PPP1R9A: variants seen among roughly 807,000 people sequenced by gnomAD.
The protein encoded by PPP1R9A is neurabin-1.
PPP1R9A carries 59 observed loss-of-function variants against 141.9 expected under a neutral mutation model. That is an observed-to-expected ratio of 0.42 (90% CI 0.34 to 0.52). The LOEUF is 0.52. Among genes scored for constraint, PPP1R9A ranks in the 20% least tolerant of loss-of-function variants. The probability of loss-of-function intolerance (pLI) is 0.10; values close to 1 mark genes in which losing one functional copy is unlikely to be tolerated. For synonymous variants in PPP1R9A, 500 were observed against 569.7 expected (o/e 0.88, Z 1.74); for missense variants, 1,444 against 1,611.9 (o/e 0.90, Z 1.78).
intron 4 of PPP1R9A, among the ~76,000 whole-genome samples, chr7:95,127,136 CCT>C (rs1563276143): frequency 2.0e-5 from 3 of 152,228 alleles, no homozygotes; most frequent in South Asian, 4.2e-4. Context: ...TTCCTCCCTC[CCT>C]CTCTCACTCT....
At chr7:94,917,954 G>T (rs1247939384) in intron 2 of PPP1R9A, among the ~76,000 whole-genome samples, 1 of 152,132 alleles carries the variant, frequency 6.6e-6, no homozygotes, top group African/African-American at 2.4e-5. Flanking sequence ...TTGAAAACAA[G>T]TTTAGGAATT....
intron 3 of PPP1R9A, among the ~76,000 whole-genome samples, chr7:95,114,065 G>A (rs1267364236): frequency 2.0e-5 from 3 of 152,050 alleles, no homozygotes; most frequent in African/African-American, 7.2e-5. Context: ...ACACAGCTGG[G>A]CCATCATATT....
chr7:94,958,613 A>G (rs1014520977), intron 2 of PPP1R9A, among the ~76,000 whole-genome samples: 1 of 152,068 alleles, frequency 6.6e-6, no homozygotes, highest in African/African-American at 2.4e-5. Context: ...CTAAAAAATA[A>G]TGAACAGCCT....
chr7:95,073,233 G>A (rs563490522), intron 2 of PPP1R9A, among the ~76,000 whole-genome samples: 2 of 151,748 alleles, frequency 1.3e-5, no homozygotes, highest in African/African-American at 4.8e-5. Flanking sequence ...TGATCCACCT[G>A]CCTCGGTCTC....
At chr7:95,287,116 G>C in intron 18 of PPP1R9A, 1 of 1,612,976 alleles carries the variant, frequency 6.2e-7, no homozygotes, top group South Asian at 1.1e-5. Context: ...TCAGAGCCTG[G>C]ATATGATAGA....
chr7:95,068,798 G>T (rs1302660461), intron 2 of PPP1R9A, among the ~76,000 whole-genome samples: 1 of 152,096 alleles, frequency 6.6e-6, no homozygotes, highest in African/African-American at 2.4e-5. Flanking sequence ...GGTGAAGAGG[G>T]GACCTAGGCC....
At chr7:95,211,475 T>C (rs1792112433) in intron 7 of PPP1R9A, among the ~76,000 whole-genome samples, 1 of 152,204 alleles carries the variant, frequency 6.6e-6, no homozygotes, top group South Asian at 2.1e-4. Flanking sequence ...TGCCAAGTTG[T>C]TCAATGTTGT....
Position 95,106,258 on chromosome 7 carries a change from TG to T in PPP1R9A, c.1396-4997del, listed in dbSNP as rs146388683. On this transcript the variant is annotated intron_variant, in intron 2 of 19. Transcript: ENST00000433360. ...TCATTTTATTTTCCTAATACTCTTA[TG>T]GGGATAGGCATTATTATAAAAACCA... 3.9e-3 allele frequency among the ~76,000 whole-genome samples: 587 copies of T among 152,282 alleles called. 4 individuals carry two copies. The highest frequency in any genetic ancestry group is 0.013 in the African/African-American group (548 of 41,564).
At chr7:95,032,991 T>G (rs1009676140) in intron 2 of PPP1R9A, among the ~76,000 whole-genome samples, 22 of 151,942 alleles carry the variant, frequency 1.4e-4, no homozygotes, top group African/African-American at 4.8e-4. Context: ...TACCTTACTC[T>G]TTAATTTTTA....
At chr7:95,152,390 G>A (rs752610780) in intron 4 of PPP1R9A, among the ~76,000 whole-genome samples, 2 of 152,112 alleles carry the variant, frequency 1.3e-5, no homozygotes, top group Non-Finnish European at 2.9e-5. Flanking sequence ...AAAGATCCAT[G>A]CATTCTTCTT....
intron 2 of PPP1R9A, among the ~76,000 whole-genome samples, chr7:94,961,067 A>G (rs541323127): frequency 6.6e-6 from 1 of 151,692 alleles, no homozygotes; most frequent in African/African-American, 2.4e-5. Flanking sequence ...GGTAAAGGGG[A>G]GAATTGAGTA....
rs1190492075 is a variant in PPP1R9A at position 95,111,472 on chromosome 7, T to C, written c.1528+81T>C. 17 of 1,315,506 alleles carry C rather than the reference T, an allele frequency of 1.3e-5. No homozygotes were observed. In the East Asian group the frequency reaches 3.9e-4, roughly 30 times the overall value. The allele number at this position is 1,315,506 out of a possible 1,614,324, so 81.5% of individuals were successfully genotyped here. A position where few individuals can be genotyped will look rare whatever the true frequency, so the allele number is the denominator to read the frequency against. On this transcript the variant is annotated intron_variant, in intron 3 of 19. Transcript: ENST00000433360. ...TTATTTTTCCAAAATGTAGCCTTTT[T>C]TCTAAGGATTGGATAAAATTTTAAT...
chr7:95,103,224 A>G (rs1819016862), intron 2 of PPP1R9A, among the ~76,000 whole-genome samples: 1 of 1,028 alleles, frequency 9.7e-4, no homozygotes, highest in Non-Finnish European at 1.3e-3. Flanking sequence ...TATAGTATGT[A>G]TAAAAAAAAC....
At chr7:95,091,181 TC>T (rs560847901) in intron 2 of PPP1R9A, among the ~76,000 whole-genome samples, 236 of 152,004 alleles carry the variant, frequency 1.6e-3, no homozygotes, top group Non-Finnish European at 2.4e-3. Context: ...CAGAAATATT[TC>T]TGTATATCTG....
At chr7:95,223,816 T>C (rs1458865586) in intron 7 of PPP1R9A, among the ~76,000 whole-genome samples, 11 of 152,026 alleles carry the variant, frequency 7.2e-5, no homozygotes, top group Non-Finnish European at 1.6e-4. Context: ...CCATTTGTAA[T>C]GATAGGGTTA....
intron 2 of PPP1R9A, among the ~76,000 whole-genome samples, chr7:95,100,729 C>T (rs528853671): frequency 1.3e-5 from 2 of 152,146 alleles, no homozygotes; most frequent in South Asian, 2.1e-4. Flanking sequence ...AGGTGGTATT[C>T]AGTCCCCTTC....
rs189899447 is a variant in PPP1R9A at position 95,233,606 on chromosome 7, A to G, written c.2112+7490A>G. On this transcript the variant is annotated intron_variant, in intron 8 of 19. Coordinates refer to ENST00000433360, the MANE Select transcript of PPP1R9A (RefSeq NM_001166160.2). ...CTGCATTCTGTCAGACATTCAAAGA[A>G]GAATTGGTACCAATCCTACTGACAC... 3.4e-3 allele frequency among the ~76,000 whole-genome samples: 519 copies of G among 152,302 alleles called. 2 individuals carry two copies. The highest frequency in any genetic ancestry group is 5.6e-3 in the Non-Finnish European group (380 of 68,026).
In PPP1R9A at chr7:95,041,044, C is replaced by T. The variant is rs148654634; in HGVS notation, c.1396-70215C>T. Among the ~76,000 whole-genome samples the T allele has an allele frequency of 7.7e-3, 1,169 of 151,202 alleles. 9 individuals are homozygous for T. The highest frequency in any genetic ancestry group is 0.01 in the Admixed American group (156 of 15,220). On this transcript the variant is annotated intron_variant, in intron 2 of 19. Transcript: ENST00000433360. The stretch of plus-strand genomic sequence containing the variant: ...TTCCAAATTTATTTGACAGAAATAT[C>T]CACTTTGTATCTCCTGGGTCTCTAA...
chr7:95,153,943 G>A (rs997336255), intron 4 of PPP1R9A, among the ~76,000 whole-genome samples: 2 of 152,080 alleles, frequency 1.3e-5, no homozygotes, highest in African/African-American at 2.4e-5. Flanking sequence ...GCTTATAATA[G>A]TCTTTGATGA....
Sources: gnomAD v4.1 joint callset for allele counts (sites outside exome capture counted in the v4.1 genomes callset) on GRCh38, gnomAD v4.1.1 for gene constraint, MANE v1.5 for transcripts, NCBI Gene and HGNC (gene_info 2026-07-23, HGNC 2026-07-21) for gene names.